Variants in FBXL2 observed in about 807,000 individuals in gnomAD.
FBXL2 encodes the protein F-box and leucine rich repeat protein 2, also known as F-box/LRR-repeat protein 2.
In FBXL2, 38 loss-of-function variants were observed where a neutral mutation model predicts 69.2. That is an observed-to-expected ratio of 0.55 (90% CI 0.42 to 0.72). FBXL2 has a LOEUF of 0.72. Among genes scored for constraint, FBXL2 ranks in the 30% least tolerant of loss-of-function variants. The pLI, the probability that FBXL2 is intolerant of heterozygous loss-of-function variation, is 0.00. For synonymous variants in FBXL2, 192 were observed against 201.3 expected (o/e 0.95, Z 0.39); for missense variants, 354 against 520.3 (o/e 0.68, Z 3.11).
chr3:33,358,639 C>T (rs1013195026), intron 2 of FBXL2, among the ~76,000 whole-genome samples: 5 of 152,200 alleles, frequency 3.3e-5, no homozygotes, highest in Non-Finnish European at 7.3e-5. Flanking sequence ...GTGCATCTAC[C>T]ACCAAAAGAG....
intron 1 of FBXL2, among the ~76,000 whole-genome samples, chr3:33,281,031 A>G (rs558956856): frequency 7.9e-5 from 12 of 152,214 alleles, no homozygotes; most frequent in Admixed American, 5.9e-4. Context: ...CATTAAAGTG[A>G]TTTTTTTAAT....
At chr3:33,299,027 T>TTTATTTATTTA (rs1553634500) in intron 2 of FBXL2, among the ~76,000 whole-genome samples, 8 of 146,092 alleles carry the variant, frequency 5.5e-5, no homozygotes, top group African/African-American at 1.8e-4. Flanking sequence ...ATTTTTTTAA[T>TTTATTTATTTA]TTTATTTATT....
Position 33,286,371 on chromosome 3 carries a change from A to G in FBXL2, c.3+8856A>G, listed in dbSNP as rs528858218. Among the ~76,000 whole-genome samples the G allele has an allele frequency of 2.6e-5, 4 of 152,286 alleles. No homozygotes were observed. The East Asian group carries it at 7.7e-4, about 29-fold the overall frequency. On this transcript the variant is annotated intron_variant, in intron 1 of 14. Transcript: ENST00000484457. Reference sequence around the variant, plus strand: ...AACAGCAAATATTGCAGAACGGCAAATGTTGCTGCCTGATCCTTCCTCTGG... The same window carrying G: ...AACAGCAAATATTGCAGAACGGCAAGTGTTGCTGCCTGATCCTTCCTCTGG...
chr3:33,312,191 G>C (rs760675840), intron 2 of FBXL2, among the ~76,000 whole-genome samples: 37 of 152,026 alleles, frequency 2.4e-4, no homozygotes, highest in Non-Finnish European at 3.8e-4. Context: ...TAAGTAGATG[G>C]GACCACAGGA....
chr3:33,361,938 G>A (rs143769632), intron 4 of FBXL2, among the ~76,000 whole-genome samples: 58 of 152,292 alleles, frequency 3.8e-4, no homozygotes, highest in Non-Finnish European at 6.9e-4. Flanking sequence ...ATATGGTTGA[G>A]AGAAAAGAGA....
chr3:33,305,743 CT>C (rs1364637796), intron 2 of FBXL2, among the ~76,000 whole-genome samples: 2 of 151,714 alleles, frequency 1.3e-5, no homozygotes, highest in Non-Finnish European at 3.0e-5. Flanking sequence ...ATTTTTCAAG[CT>C]TTTTTTCTGT....
chr3:33,422,109 TGC>T, the FBXL2 span, among the ~76,000 whole-genome samples: 3 of 152,140 alleles, frequency 2.0e-5, no homozygotes, highest in Admixed American at 1.3e-4. Context: ...GAAGATACTT[TGC>T]TAGTCTGGAT....
chr3:33,329,908 G>A (rs1218707870), intron 2 of FBXL2, among the ~76,000 whole-genome samples: 1 of 152,130 alleles, frequency 6.6e-6, no homozygotes. Flanking sequence ...AAGCCCAGGA[G>A]TTCAAGGTTG....
chr3:33,416,722 C>T, the FBXL2 span: 1 of 1,470,262 alleles, frequency 6.8e-7, no homozygotes, highest in Non-Finnish European at 9.4e-7. Flanking sequence ...TCAATCACAG[C>T]AATATCCATT....
chr3:33,309,510 T>C (rs892526553), intron 2 of FBXL2, among the ~76,000 whole-genome samples: 1 of 152,098 alleles, frequency 6.6e-6, no homozygotes, highest in African/African-American at 2.4e-5. Flanking sequence ...GCAGATAAAG[T>C]GGGTCTCTTG....
At chr3:33,281,011 T>C (rs1261344602) in intron 1 of FBXL2, among the ~76,000 whole-genome samples, 1 of 152,134 alleles carries the variant, frequency 6.6e-6, no homozygotes, top group Non-Finnish European at 1.5e-5. Flanking sequence ...ACTGCAAAAA[T>C]AGTTTTGCCC....
At chr3:33,278,317 C>A (rs1398735873) in intron 1 of FBXL2, 3 of 152,170 alleles carry the variant, frequency 2.0e-5, no homozygotes, top group Non-Finnish European at 4.4e-5. Flanking sequence ...CTCCAGAGGC[C>A]TTCACGGGGT....
intron 2 of FBXL2, among the ~76,000 whole-genome samples, chr3:33,353,924 G>GTGGC (rs2041007820): frequency 6.6e-6 from 1 of 152,122 alleles, no homozygotes; most frequent in African/African-American, 2.4e-5. Context: ...GGGTTCATGA[G>GTGGC]AAAGAGAGGA....
chr3:33,278,883 G>T (rs1441704122), intron 1 of FBXL2, among the ~76,000 whole-genome samples: 1 of 152,138 alleles, frequency 6.6e-6, no homozygotes, highest in East Asian at 1.9e-4. Flanking sequence ...TGTGAGAAAA[G>T]CCCTAACAAT....
intron 10 of FBXL2, among the ~76,000 whole-genome samples, chr3:33,376,392 A>G (rs1054992002): frequency 6.6e-6 from 1 of 152,204 alleles, no homozygotes; most frequent in Non-Finnish European, 1.5e-5. Context: ...TAAGAATTGT[A>G]TATTTCTGCT....
At chr3:33,285,304 T>C (rs2034491038) in intron 1 of FBXL2, among the ~76,000 whole-genome samples, 1 of 152,204 alleles carries the variant, frequency 6.6e-6, no homozygotes, top group South Asian at 2.1e-4. Context: ...TTCTGAAGCT[T>C]AGTTTGGCTG....
intron 1 of FBXL2, among the ~76,000 whole-genome samples, chr3:33,277,816 C>G (rs983298220): frequency 6.6e-6 from 1 of 151,776 alleles, no homozygotes; most frequent in East Asian, 1.9e-4. Flanking sequence ...CTGTTTGGCC[C>G]GAGAGAGCCT....
chr3:33,364,770 C>T, intron 5 of FBXL2, 51 bp downstream of exon 5: 1 of 1,469,116 alleles, frequency 6.8e-7, no homozygotes, highest in Non-Finnish European at 9.5e-7. Context: ...GCATTTTCAT[C>T]AGCAAAAATA....
At chr3:33,328,706 A>C (rs1399044782) in intron 2 of FBXL2, among the ~76,000 whole-genome samples, 2 of 152,162 alleles carry the variant, frequency 1.3e-5, no homozygotes, top group Non-Finnish European at 2.9e-5. Context: ...AATGGATTAA[A>C]GACTTAAATT....
Sources: allele counts gnomAD v4.1 joint callset (sites outside exome capture counted in the v4.1 genomes callset), GRCh38; gene constraint gnomAD v4.1.1; transcripts MANE v1.5; gene names NCBI Gene and HGNC (gene_info 2026-07-23, HGNC 2026-07-21).